The following CD59 variants were observed in gnomAD, a reference collection of about 807,000 sequenced individuals.
CD59 encodes the protein CD59 glycoprotein.
In CD59, 3 loss-of-function variants were observed where a neutral mutation model predicts 7.0. That is an observed-to-expected ratio of 0.43 (90% CI 0.19 to 1.10). The LOEUF is 1.10. Ranked by LOEUF, CD59 falls within the 50% of genes least tolerant of loss-of-function variation. The pLI, the probability that CD59 is intolerant of heterozygous loss-of-function variation, is 0.29. For missense variants in CD59, 143 were observed against 151.0 expected (o/e 0.95, Z 0.28); for synonymous variants, 60 against 62.0 (o/e 0.97, Z 0.15).
chr11:33,734,818 T>G (rs1401798772), intron 1 of CD59, among the ~76,000 whole-genome samples: 1 of 152,124 alleles, frequency 6.6e-6, no homozygotes, highest in African/African-American at 2.4e-5. Flanking sequence ...TTGGCTGAGG[T>G]TCTTAAAGAG....
At chr11:33,713,704 C>T (rs1050561704) in intron 3 of CD59, among the ~76,000 whole-genome samples, 1 of 152,190 alleles carries the variant, frequency 6.6e-6, no homozygotes, top group Non-Finnish European at 1.5e-5. Flanking sequence ...TTGGGGAGAA[C>T]AGACAGTAAT....
At chr11:33,730,564 C>T (rs1440462858) in intron 1 of CD59, among the ~76,000 whole-genome samples, 12 of 152,154 alleles carry the variant, frequency 7.9e-5, no homozygotes, top group African/African-American at 2.9e-4. Flanking sequence ...GCCATAGCCA[C>T]CTCCTGTTGC....
intron 3 of CD59, among the ~76,000 whole-genome samples, chr11:33,715,379 C>T (rs938507066): frequency 1.1e-4 from 16 of 152,096 alleles, no homozygotes; most frequent in African/African-American, 3.9e-4. Flanking sequence ...GCAGGCAGAT[C>T]ACTTGAGGCC....
chr11:33,722,350 G>C, intron 2 of CD59, 29 bp downstream of exon 2: 1 of 1,527,678 alleles, frequency 6.5e-7, no homozygotes, highest in Non-Finnish European at 9.1e-7. Flanking sequence ...AGGCAGCCTA[G>C]ATCCATGTCC....
chr11:33,708,805 A>T lies in CD59; in HGVS notation c.*1321T>A, dbSNP rs1208060898. On this transcript the variant is annotated 3_prime_UTR_variant, in exon 4 of 4. Coordinates refer to ENST00000642928, the MANE Select transcript of CD59 (RefSeq NM_000611.6). Reference sequence around the variant, plus strand: ...AGCATACTGCATATCCTTTTCGGCCATAACCACATTCACCCACTTGTTATA... The same window carrying T: ...AGCATACTGCATATCCTTTTCGGCCTTAACCACATTCACCCACTTGTTATA... The T allele has an allele frequency of 1.3e-5, 2 of 152,230 alleles. No individual in the cohort carries two copies. Among genetic ancestry groups the T allele is most frequent in the Non-Finnish European group, 2.9e-5 (2 of 68,046 alleles). The allele number at this position is 152,230 out of a possible 1,614,324, so 9.4% of individuals were successfully genotyped here.
rs993171354 is a variant in CD59, at chr11:33,708,641, T to C, written c.*1485A>G. ...AACCTATTGATGTAAGGAAAGACAC[T>C]GAGCTAACAGAGAACACAGAGCACC... On this transcript the variant is annotated 3_prime_UTR_variant, in exon 4 of 4. Transcript: ENST00000642928. 4 of 150,158 alleles carry C rather than the reference T, an allele frequency of 2.7e-5. No individual in the cohort carries two copies. Among genetic ancestry groups the C allele is most frequent in the Non-Finnish European group, 1.5e-5 (1 of 67,810 alleles). The allele number at this position is 150,158 out of a possible 1,614,324, so 9.3% of individuals were successfully genotyped here.
chr11:33,734,622 C>T (rs1476481348), intron 1 of CD59, among the ~76,000 whole-genome samples: 2 of 152,198 alleles, frequency 1.3e-5, no homozygotes, highest in Non-Finnish European at 2.9e-5. Flanking sequence ...CAGTTTGTTC[C>T]GGAATGCCAA....
At chr11:33,723,035 T>A (rs758968228) in intron 1 of CD59, 26 of 859,192 alleles carry the variant, frequency 3.0e-5, no homozygotes, top group Non-Finnish European at 3.5e-5. Flanking sequence ...AATGCCTAGA[T>A]GTGTAGTGAT....
chr11:33,704,823 GC>G lies in CD59; in HGVS notation c.*5302del, dbSNP rs1853244714. 1 of 152,608 alleles carries G rather than the reference GC, an allele frequency of 6.6e-6. No individual in the cohort carries two copies. 9.5% of individuals were successfully genotyped at this position (152,608 alleles called of 1,614,324 possible). On this transcript the variant is annotated 3_prime_UTR_variant, in exon 4 of 4. Coordinates refer to ENST00000642928, the MANE Select transcript of CD59 (RefSeq NM_000611.6). Reference sequence around the variant, plus strand: ...CTCCTACCCCTCTTCCTGGCAGGAGGCTGGCTCTGACAGGAGGTTGTTTGTG... The same window carrying G: ...CTCCTACCCCTCTTCCTGGCAGGAGGTGGCTCTGACAGGAGGTTGTTTGTG...
At position 33,726,357 on chromosome 11, in the gene CD59, G is replaced by C. The variant is rs554709122; in HGVS notation, c.-18-3894C>G. On this transcript the variant is annotated intron_variant, in intron 1 of 3. Coordinates refer to ENST00000642928, the MANE Select transcript of CD59 (RefSeq NM_000611.6). ...CTCAGAACACAGTGCAATCAAATTAGAACTCAGGATTAAGAAACCCACTCA... is the reference window on the plus strand; with the variant it reads ...CTCAGAACACAGTGCAATCAAATTACAACTCAGGATTAAGAAACCCACTCA... 2.0e-5 allele frequency among the ~76,000 whole-genome samples: 3 copies of C among 152,280 alleles called. No homozygotes were observed. The South Asian group carries it at 6.2e-4, about 32-fold the overall frequency.
intron 3 of CD59, among the ~76,000 whole-genome samples, chr11:33,715,906 TC>T (rs751876299): frequency 4.6e-5 from 7 of 152,224 alleles, no homozygotes; most frequent in Non-Finnish European, 1.0e-4. Context: ...TAATATTCAT[TC>T]AACACATAGT....
chr11:33,735,979 G>A (rs181503806), intron 1 of CD59, among the ~76,000 whole-genome samples: 8 of 152,190 alleles, frequency 5.3e-5, no homozygotes, highest in African/African-American at 1.9e-4. Flanking sequence ...AGACCGCGAG[G>A]GGAGAGAGGA....
At chr11:33,717,724 C>T (rs1853864519) in intron 2 of CD59, 2 of 448,856 alleles carry the variant, frequency 4.5e-6, no homozygotes, top group East Asian at 4.7e-5. Context: ...AAGCTTCCTC[C>T]TAACCTGCAA....
intron 3 of CD59, among the ~76,000 whole-genome samples, chr11:33,714,938 T>TC (rs1327111398): frequency 1.5e-5 from 2 of 135,160 alleles, no homozygotes; most frequent in African/African-American, 5.9e-5. Flanking sequence ...CTGAGGCTGT[T>TC]TTTTTTTTTT....
intron 3 of CD59, among the ~76,000 whole-genome samples, chr11:33,714,938 T>C (rs77049766): frequency 7.4e-6 from 1 of 135,160 alleles, no homozygotes; most frequent in Admixed American, 7.2e-5. Flanking sequence ...CTGAGGCTGT[T>C]TTTTTTTTTT....
chr11:33,721,763 G>A (rs947004809), intron 2 of CD59, among the ~76,000 whole-genome samples: 5 of 152,204 alleles, frequency 3.3e-5, no homozygotes, highest in Non-Finnish European at 5.9e-5. Context: ...TCACATTCCC[G>A]TGTACCACTT....
At chr11:33,730,345 G>A (rs930201290) in intron 1 of CD59, among the ~76,000 whole-genome samples, 1 of 152,038 alleles carries the variant, frequency 6.6e-6, no homozygotes, top group African/African-American at 2.4e-5. Context: ...AGCCTGGGAG[G>A]TTGAGGCTGC....
intron 3 of CD59, among the ~76,000 whole-genome samples, chr11:33,716,827 T>G (rs1176955690): frequency 6.6e-6 from 1 of 152,114 alleles, no homozygotes; most frequent in Non-Finnish European, 1.5e-5. Flanking sequence ...CCCTCTTACC[T>G]CCTACGTGTC....
At position 33,723,677 on chromosome 11, in the gene CD59, T is replaced by C. The variant is rs191858485; in HGVS notation, c.-18-1214A>G. On this transcript the variant is annotated intron_variant, in intron 1 of 3. Transcript: ENST00000642928. Reference sequence around the variant, plus strand: ...GCCTGCTACGGGACACCATCCCCCATGTGGACCTTCCCAGGAGACCTGGGC... The same window carrying C: ...GCCTGCTACGGGACACCATCCCCCACGTGGACCTTCCCAGGAGACCTGGGC... 3.3e-5 allele frequency among the ~76,000 whole-genome samples: 5 copies of C among 152,188 alleles called. No homozygotes were observed. The South Asian group carries it at 6.2e-4, about 19-fold the overall frequency.
Sources: gnomAD v4.1 joint callset for allele counts (sites outside exome capture counted in the v4.1 genomes callset) on GRCh38, gnomAD v4.1.1 for gene constraint, MANE v1.5 for transcripts, NCBI Gene and HGNC (gene_info 2026-07-23, HGNC 2026-07-21) for gene names.